ANO1: variants seen among roughly 807,000 people sequenced by gnomAD.
ANO1 encodes the protein anoctamin-1.
ANO1 carries 59 observed loss-of-function variants against 124.0 expected under a neutral mutation model. That is an observed-to-expected ratio of 0.48 (90% CI 0.39 to 0.59). The LOEUF (loss-of-function observed/expected upper bound fraction) is 0.59. ANO1 is among the 20% of genes least tolerant of loss of function. ANO1 has a pLI of 0.00. For missense variants in ANO1, 1,059 were observed against 1,328.0 expected (o/e 0.80, Z 3.15); for synonymous variants, 529 against 532.0 (o/e 0.99, Z 0.08).
Position 70,104,169 on chromosome 11 carries a change from C to A in ANO1, c.692+19C>A. The A allele has an allele frequency of 6.2e-7, 1 of 1,605,662 alleles. No individual in the cohort carries two copies. The highest frequency in any genetic ancestry group is 8.5e-7 in the Non-Finnish European group (1 of 1,175,278). On this transcript the variant is annotated intron_variant, in intron 4 of 25. Coordinates refer to ENST00000355303, the MANE Select transcript of ANO1 (RefSeq NM_018043.7). ...AGCATCTGTAAGTGGGGACCCCCAG[C>A]CTGCTCCCCAAAGGGTCCTGTGTGT...
At chr11:70,186,699 C>T (rs1009279249) in intron 25 of ANO1, among the ~76,000 whole-genome samples, 5 of 152,174 alleles carry the variant, frequency 3.3e-5, no homozygotes, top group Admixed American at 6.5e-5. Context: ...CAAGATTCTG[C>T]TCGCAGGTGT....
chr11:70,157,809 T>C (rs2047878009), intron 16 of ANO1, among the ~76,000 whole-genome samples: 1 of 151,974 alleles, frequency 6.6e-6, no homozygotes, highest in Admixed American at 6.6e-5. Context: ...CTGGGCCACA[T>C]GGCAAAACCA....
At chr11:70,010,900 G>T (rs782036954) in intron 1 of ANO1, among the ~76,000 whole-genome samples, 1 of 152,218 alleles carries the variant, frequency 6.6e-6, no homozygotes, top group Non-Finnish European at 1.5e-5. Context: ...CATATTTATA[G>T]TGGCTACTGT....
chr11:69,974,836 C>T, the ANO1 span, among the ~76,000 whole-genome samples: 1 of 149,006 alleles, frequency 6.7e-6, no homozygotes, highest in Non-Finnish European at 1.5e-5. Context: ...CTGCAAGCAA[C>T]AGGATCGGAG....
intron 2 of ANO1, among the ~76,000 whole-genome samples, chr11:70,101,964 G>A (rs566114431): frequency 4.4e-4 from 67 of 152,312 alleles, no homozygotes; most frequent in African/African-American, 1.6e-3. Flanking sequence ...TTCCCTTCTC[G>A]TTGCGTCAGC....
intron 1 of ANO1, among the ~76,000 whole-genome samples, chr11:70,032,655 A>G (rs753897186): frequency 6.6e-6 from 1 of 152,082 alleles, no homozygotes; most frequent in Non-Finnish European, 1.5e-5. Context: ...AGGCCCCCGG[A>G]CTGTGGCTTC....
At chr11:70,185,505 C>T in intron 24 of ANO1, 85 bp from the exon 25 acceptor site, 1 of 1,286,750 alleles carries the variant, frequency 7.8e-7, no homozygotes, top group Non-Finnish European at 1.1e-6. Context: ...GAGCCTCTCC[C>T]AGGCGTCCCT....
chr11:70,158,751 G>T (rs1165166384), intron 16 of ANO1, among the ~76,000 whole-genome samples: 1 of 152,232 alleles, frequency 6.6e-6, no homozygotes, highest in African/African-American at 2.4e-5. Flanking sequence ...GGTACAGTAA[G>T]AGGGACGCTG....
At chr11:70,011,705 G>A (rs1406456301) in intron 1 of ANO1, among the ~76,000 whole-genome samples, 3 of 152,144 alleles carry the variant, frequency 2.0e-5, no homozygotes, top group Non-Finnish European at 4.4e-5. Flanking sequence ...TTGCCTCATC[G>A]ATGAAAGCTT....
chr11:69,983,988 A>G (rs1206741919), upstream of ANO1, among the ~76,000 whole-genome samples: 7 of 152,234 alleles, frequency 4.6e-5, no homozygotes, highest in African/African-American at 1.7e-4. Context: ...GTAAATAATG[A>G]CAGTTAAAAA....
chr11:70,116,547 G>T, intron 8 of ANO1, 48 bp downstream of exon 8: 1 of 1,550,944 alleles, frequency 6.4e-7, no homozygotes, highest in Non-Finnish European at 8.7e-7. Flanking sequence ...GAGCCTGGAG[G>T]CGTTCTGGGG....
chr11:70,036,889 G>T (rs538177740), intron 1 of ANO1, among the ~76,000 whole-genome samples: 83 of 152,346 alleles, frequency 5.4e-4, no homozygotes, highest in Admixed American at 2.1e-3. Context: ...TTACAGGCGT[G>T]AGCCACCGTG....
At chr11:70,186,051 C>T (rs1181491945) in intron 25 of ANO1, among the ~76,000 whole-genome samples, 4 of 151,992 alleles carry the variant, frequency 2.6e-5, no homozygotes, top group African/African-American at 4.8e-5. Context: ...TTTGGGAGAC[C>T]GAGGCAGGTG....
intron 10 of ANO1, among the ~76,000 whole-genome samples, chr11:70,131,571 G>A (rs113567321): frequency 0.081 from 12,369 of 152,216 alleles, 550 homozygotes; most frequent in Non-Finnish European, 0.11. Context: ...CAGGTGATCC[G>A]CCCGCCTTGG....
intron 1 of ANO1, among the ~76,000 whole-genome samples, chr11:70,030,058 G>A (rs1856974582): frequency 6.6e-6 from 1 of 152,194 alleles, no homozygotes; most frequent in African/African-American, 2.4e-5. Flanking sequence ...GGAGGGGTGG[G>A]GAGGGTACCT....
chr11:70,180,575 T>C (rs574104097), intron 23 of ANO1, among the ~76,000 whole-genome samples: 2 of 152,172 alleles, frequency 1.3e-5, no homozygotes, highest in East Asian at 3.9e-4. Flanking sequence ...GCCCAGCCTT[T>C]CTGCAAGCTT....
chr11:70,111,582 A>G, intron 6 of ANO1, 125 bp from the exon 7 acceptor site: 1 of 869,240 alleles, frequency 1.2e-6, no homozygotes, highest in Non-Finnish European at 1.9e-6. Flanking sequence ...GGCTCTGCGT[A>G]GTCAGGTTCG....
chr11:70,060,996 A>T (rs1857560612), intron 1 of ANO1, among the ~76,000 whole-genome samples: 1 of 152,222 alleles, frequency 6.6e-6, no homozygotes, highest in African/African-American at 2.4e-5. Context: ...TGGTTAGGAT[A>T]GCAAAGCCTG....
chr11:70,111,579 C>T (rs1164314861), intron 6 of ANO1, 128 bp from the exon 7 acceptor site: 1 of 851,394 alleles, frequency 1.2e-6, no homozygotes. Flanking sequence ...CCGGGCTCTG[C>T]GTAGTCAGGT....
Sources: allele counts gnomAD v4.1 joint callset (sites outside exome capture counted in the v4.1 genomes callset), GRCh38; gene constraint gnomAD v4.1.1; transcripts MANE v1.5; gene names NCBI Gene and HGNC (gene_info 2026-07-23, HGNC 2026-07-21).